ZNF236: variants seen among roughly 807,000 people sequenced by gnomAD.
The protein encoded by ZNF236 is regulated by glucose.
ZNF236 carries 50 observed loss-of-function variants against 191.2 expected under a neutral mutation model. The ratio of observed to expected loss-of-function variants is 0.26; its 90% CI spans 0.21 to 0.33. The LOEUF (loss-of-function observed/expected upper bound fraction) is 0.33. ZNF236 is among the 10% of genes least tolerant of loss of function. The probability of loss-of-function intolerance (pLI) is 1.00; values close to 1 mark genes in which losing one functional copy is unlikely to be tolerated. For missense variants in ZNF236, 1,754 were observed against 2,374.5 expected (o/e 0.74, Z 5.43); for synonymous variants, 907 against 928.8 (o/e 0.98, Z 0.43).
rs1020711937 is a variant in ZNF236 at position 76,893,113 on chromosome 18, T to G, written c.1418-1900T>G. On this transcript the variant is annotated intron_variant, in intron 9 of 30. Coordinates refer to ENST00000320610, the MANE Select transcript of ZNF236 (RefSeq NM_001306089.2). Reference sequence around the variant, plus strand: ...TTAGAACCTGGTGGCAGATTTAGATTATGTCATCCTGCGTAACTTGAGATA... The same window carrying G: ...TTAGAACCTGGTGGCAGATTTAGATGATGTCATCCTGCGTAACTTGAGATA... 3.3e-5 allele frequency among the ~76,000 whole-genome samples: 5 copies of G among 152,210 alleles called. No individual in the cohort carries two copies. In the East Asian group the frequency reaches 9.6e-4, roughly 29 times the overall value.
intron 5 of ZNF236, among the ~76,000 whole-genome samples, chr18:76,872,333 T>TA (rs1976603372): frequency 6.6e-6 from 1 of 152,060 alleles, no homozygotes; most frequent in Non-Finnish European, 1.5e-5. Context: ...ATACAAAACT[T>TA]AGCCAGGCGT....
intron 9 of ZNF236, among the ~76,000 whole-genome samples, chr18:76,890,389 C>G (rs1977194403): frequency 6.6e-6 from 1 of 152,196 alleles, no homozygotes; most frequent in Non-Finnish European, 1.5e-5. Context: ...CTATTGTCCA[C>G]TGTACCGACC....
rs1369282636 is a variant in ZNF236 at position 76,956,195 on chromosome 18, T to A, written c.5112+13T>A. 1 of 1,543,444 alleles carries A rather than the reference T, an allele frequency of 6.5e-7. No individual in the cohort carries two copies. The highest frequency in any genetic ancestry group is 1.2e-5 in the South Asian group (1 of 84,060). ...CACGCACCTCAAGGTAGGCCCACTG[T>A]GCCAGGGCACAGCTGTGTGCCCCCC... On this transcript the variant is annotated intron_variant, in intron 28 of 30. Transcript: ENST00000320610.
intron 1 of ZNF236, among the ~76,000 whole-genome samples, chr18:76,823,678 C>T (rs1974932261): frequency 6.6e-6 from 1 of 152,242 alleles, no homozygotes; most frequent in Non-Finnish European, 1.5e-5. Flanking sequence ...GACACACAAC[C>T]GGGCACCCCC....
Position 76,919,986 on chromosome 18 carries a change from A to G in ZNF236, c.3485A>G (p.Gln1162Arg), listed in dbSNP as rs1967487969. ...SELRDKQAEL[Q>R]DEPKHANCCT... ...CTGAGGGACAAGCAGGCGGAGCTGC[A>G]GGACGAGCCCAAGCACGCCAACTGC... The change falls in exon 20 of 31, where the codon CAG (glutamine) becomes CGG (arginine). Residue 1162 changes from glutamine (Q) to arginine (R), a missense_variant. Around this residue, in one of 5 missense-constraint regions of ZNF236, gnomAD observed 641 missense variants for 869.6 expected, o/e 0.74. Transcript: ENST00000320610. This position sits in a 1 kb window ranked among gnomAD's most constrained non-coding sequence, Gnocchi z 5.3. The G allele has an allele frequency of 6.2e-7, 1 of 1,613,804 alleles. No homozygotes were observed. The highest frequency in any genetic ancestry group is 8.5e-7 in the Non-Finnish European group (1 of 1,180,018).
At chr18:76,916,655 G>C (rs1413007787) in intron 19 of ZNF236, among the ~76,000 whole-genome samples, 1 of 152,172 alleles carries the variant, frequency 6.6e-6, no homozygotes, top group East Asian at 1.9e-4. Flanking sequence ...TTTATATTTT[G>C]ACACGTTGCG....
At chr18:76,956,515 C>T (rs557142319) in intron 28 of ZNF236, among the ~76,000 whole-genome samples, 5 of 152,274 alleles carry the variant, frequency 3.3e-5, no homozygotes, top group African/African-American at 9.6e-5. Flanking sequence ...GGCTCGCTCA[C>T]GTAATTGCTA....
At chr18:76,928,155 C>T (rs745544400) in intron 25 of ZNF236, 49 bp downstream of exon 25, 18 of 1,451,936 alleles carry the variant, frequency 1.2e-5, no homozygotes, top group East Asian at 2.4e-5. Context: ...AATTTAAGTA[C>T]TGTATATCTT....
rs1185333696 is a variant in ZNF236 at position 76,960,294 on chromosome 18, C to T, written c.5243-385C>T. On this transcript the variant is annotated intron_variant, in intron 29 of 30. Transcript: ENST00000320610. The surrounding 1 kb of genome is among the most constrained non-coding windows in gnomAD (Gnocchi z 4.4). ...ACACGGAACAAAGAAACAAGCTCTT[C>T]CATCTTCTGCCTCTTGACTGTACAT... Among the ~76,000 whole-genome samples the T allele has an allele frequency of 1.3e-5, 2 of 152,250 alleles. No homozygotes were observed. The highest frequency in any genetic ancestry group is 6.5e-5 in the Admixed American group (1 of 15,292).
At chr18:76,966,677 G>A (rs574490703) in intron 30 of ZNF236, among the ~76,000 whole-genome samples, 2 of 152,290 alleles carry the variant, frequency 1.3e-5, no homozygotes, top group Admixed American at 6.5e-5. Flanking sequence ...TGTTGACCTG[G>A]CACAGACAAC....
chr18:76,911,688 T>G (rs1051128577), intron 16 of ZNF236, among the ~76,000 whole-genome samples: 12 of 151,334 alleles, frequency 7.9e-5, no homozygotes, highest in African/African-American at 3.0e-4. Flanking sequence ...GAGCTTATCC[T>G]CTACTCAGTG....
intron 2 of ZNF236, among the ~76,000 whole-genome samples, chr18:76,850,913 T>A (rs1467509433): frequency 1.3e-5 from 2 of 151,500 alleles, no homozygotes; most frequent in Non-Finnish European, 2.9e-5. Flanking sequence ...CTGCTTGAAG[T>A]GATTTTGTTT....
chr18:76,840,028 C>T (rs117791960), intron 1 of ZNF236, among the ~76,000 whole-genome samples: 2,402 of 152,258 alleles, frequency 0.016, 31 homozygotes, highest in Non-Finnish European at 0.019. Context: ...AGGCTATAGA[C>T]ACTTGAGGTG....
At position 76,859,846 on chromosome 18, in the gene ZNF236, C is replaced by G. The variant is rs77106818; in HGVS notation, c.363+7907C>G. Reference sequence around the variant, plus strand: ...TTCTCTGGGAAATGGAAACATTACTCTGTCTTCACCAAAAACATGGGGTGG... The same window carrying G: ...TTCTCTGGGAAATGGAAACATTACTGTGTCTTCACCAAAAACATGGGGTGG... On this transcript the variant is annotated intron_variant, in intron 3 of 30. Coordinates refer to ENST00000320610, the MANE Select transcript of ZNF236 (RefSeq NM_001306089.2). Among the ~76,000 whole-genome samples, 805 of 152,300 alleles carry G rather than the reference C, an allele frequency of 5.3e-3. 8 individuals carry two copies. The highest frequency in any genetic ancestry group is 0.019 in the African/African-American group (770 of 41,554).
chr18:76,906,246 G>A (rs1977736664), intron 13 of ZNF236, among the ~76,000 whole-genome samples: 1 of 152,216 alleles, frequency 6.6e-6, no homozygotes, highest in South Asian at 2.1e-4. Flanking sequence ...TGACGTTTTT[G>A]ATTTCAGTAT....
intron 1 of ZNF236, chr18:76,841,169 C>T (rs1010970480): frequency 6.6e-6 from 1 of 152,304 alleles, no homozygotes; most frequent in African/African-American, 2.4e-5. Context: ...TAACTCCTGA[C>T]CTCGTGATCC....
intron 10 of ZNF236, among the ~76,000 whole-genome samples, chr18:76,898,790 T>G (rs1020584261): frequency 6.6e-5 from 10 of 152,234 alleles, no homozygotes; most frequent in African/African-American, 2.4e-4. Context: ...CTAAAAATAC[T>G]AAATGTTCTT....
In ZNF236 at chr18:76,882,279, C is replaced by T. The variant is rs572435659; in HGVS notation, c.1417+767C>T. 5.6e-4 allele frequency among the ~76,000 whole-genome samples: 86 copies of T among 152,316 alleles called. 1 individual carries two copies. The highest frequency in any genetic ancestry group is 4.9e-3 in the Admixed American group (75 of 15,306). ...CCGTCATTCAAGCATCTTCAGTGCTCCTCCTCGTGGATGGACTCTGAGGGG... is the reference window on the plus strand; with the variant it reads ...CCGTCATTCAAGCATCTTCAGTGCTTCTCCTCGTGGATGGACTCTGAGGGG... On this transcript the variant is annotated intron_variant, in intron 9 of 30. Transcript: ENST00000320610.
At chr18:76,862,937 A>G (rs1976287014) in intron 3 of ZNF236, among the ~76,000 whole-genome samples, 1 of 152,246 alleles carries the variant, frequency 6.6e-6, no homozygotes, top group African/African-American at 2.4e-5. Context: ...TTACCTGACA[A>G]GTACTTTAAA....
Sources: gnomAD v4.1 joint callset for allele counts (sites outside exome capture counted in the v4.1 genomes callset) on GRCh38, gnomAD v4.1.1 for gene constraint, gnomAD v4.1.1 regional missense constraint, Gnocchi (gnomAD v3.1) non-coding constraint, MANE v1.5 for transcripts, NCBI Gene and HGNC (gene_info 2026-07-23, HGNC 2026-07-21) for gene names.